Variants in SYNE2 observed in about 807,000 individuals in gnomAD.
The protein encoded by SYNE2 is spectrin repeat containing nuclear envelope protein 2, also known as nesprin-2.
In SYNE2, 431 loss-of-function variants were observed where a neutral mutation model predicts 856.3. That is an observed-to-expected ratio of 0.50 (90% confidence interval 0.47 to 0.55). The LOEUF (loss-of-function observed/expected upper bound fraction) is 0.55. Among genes scored for constraint, SYNE2 ranks in the 20% least tolerant of loss-of-function variants. The pLI is 0.00. For missense variants in SYNE2, 8,129 were observed against 8,023.2 expected, an observed-to-expected ratio of 1.01 and a Z score of -0.50; for synonymous variants, 2,923 against 2,872.3, an observed-to-expected ratio of 1.02 and a Z score of -0.56.
intron 99 of SYNE2, chr14:64,190,966 C>T (rs1255988): frequency 1.0e-5 from 7 of 701,998 alleles, no homozygotes; most frequent in South Asian, 1.5e-5. Flanking sequence ...TACAGCGAAC[C>T]GTCACTTGGC....
chr14:63,814,883 T>C (rs1566584362), intron 1 of SYNE2, among the ~76,000 whole-genome samples: 1 of 129,674 alleles, frequency 7.7e-6, no homozygotes, highest in Non-Finnish European at 1.6e-5. Flanking sequence ...TATATCCATA[T>C]ATATATCCAT....
At position 64,052,803 on chromosome 14, in the gene SYNE2, C is replaced by A. The variant is rs199665519; in HGVS notation, c.8890C>A (p.Arg2964Ser). ...TCAGGAGGAGGCTGACAGTATACAG[C>A]GCAATGAACTATTACTTAATCAAGA... is the stretch of plus-strand genomic sequence containing the variant. ...ALQEEADSIQ[R>S]NELLLNQEVN... Residue 2964 changes from arginine (R) to serine (S), a missense_variant, in exon 48 of 116, where the codon CGC becomes AGC. Around this residue, in one of 3 missense-constraint regions of SYNE2, gnomAD observed 5,410 missense variants for 5,284.8 expected, o/e 1.02. Coordinates refer to ENST00000555002, the MANE Select transcript of SYNE2 (RefSeq NM_182914.3). 1.9e-6 allele frequency: 3 copies of A among 1,612,458 alleles called. No homozygotes were observed. The highest frequency in any genetic ancestry group is 1.7e-5 in the Admixed American group (1 of 59,732).
At chr14:63,908,814 C>T (rs2095438871) in intron 1 of SYNE2, among the ~76,000 whole-genome samples, 1 of 152,166 alleles carries the variant, frequency 6.6e-6, no homozygotes, top group South Asian at 2.1e-4. Flanking sequence ...CATCGAATTG[C>T]CTGGCCTTCC....
At position 63,942,076 on chromosome 14, in the gene SYNE2, C is replaced by G. The variant is rs774429684; in HGVS notation, c.341C>G (p.Thr114Ser). Residue 114 changes from threonine (T) to serine (S), a missense_variant, in exon 6 of 116, where the codon ACT becomes AGT. This residue lies in a region of SYNE2 where 2,422 missense variants were observed against 2,357.4 expected (regional missense o/e 1.03). Transcript: ENST00000555002. ...RSIKLINIHVTDIIDGNPSII... is the reference protein window; with the variant it reads ...RSIKLINIHVSDIIDGNPSII... Reference sequence around the variant, plus strand: ...ATTAAGCTAATAAATATTCATGTTACTGATATCATTGATGGAAACCCATCC... The same window carrying G: ...ATTAAGCTAATAAATATTCATGTTAGTGATATCATTGATGGAAACCCATCC... 2.5e-6 allele frequency: 4 copies of G among 1,611,224 alleles called. No homozygotes were observed. In the East Asian group the frequency reaches 8.9e-5, roughly 36 times the overall value.
chr14:63,804,982 A>G (rs1451645578), intron 1 of SYNE2, among the ~76,000 whole-genome samples: 1 of 152,228 alleles, frequency 6.6e-6, no homozygotes, highest in African/African-American at 2.4e-5. Flanking sequence ...TCCCTGCACC[A>G]TTTATTGAAT....
intron 2 of SYNE2, among the ~76,000 whole-genome samples, chr14:63,929,632 G>A (rs1196532746): frequency 2.6e-5 from 4 of 151,984 alleles, no homozygotes; most frequent in East Asian, 1.9e-4. Flanking sequence ...TTAGCTGGGC[G>A]TGGGGGTGGG....
Position 64,132,497 on chromosome 14 carries a change from C to A in SYNE2, c.14514+59C>A, listed in dbSNP as rs774874620. On this transcript the variant is annotated intron_variant, in intron 77 of 115. Coordinates refer to ENST00000555002, the MANE Select transcript of SYNE2 (RefSeq NM_182914.3). ...GGGAATTGCTGATTTTCCATCACCACCCCAGGTGTTGAGAAGAAGTATCTA... is the reference window on the plus strand; with the variant it reads ...GGGAATTGCTGATTTTCCATCACCAACCCAGGTGTTGAGAAGAAGTATCTA... 7.2e-5 allele frequency: 115 copies of A among 1,593,946 alleles called. No homozygotes were observed. In the Middle Eastern group the frequency reaches 1.2e-3, roughly 16 times the overall value.
intron 64 of SYNE2, among the ~76,000 whole-genome samples, chr14:64,104,511 G>C (rs1374938881): frequency 6.8e-6 from 1 of 147,046 alleles, no homozygotes; most frequent in African/African-American, 2.5e-5. Context: ...GTGCAGTGGT[G>C]CGATCTCAGC....
At chr14:63,792,675 TTG>T (rs869258329) in intron 1 of SYNE2, among the ~76,000 whole-genome samples, 32 of 60,954 alleles carry the variant, frequency 5.2e-4, no homozygotes, top group Middle Eastern at 8.8e-3. Flanking sequence ...GTTTGTTTGT[TTG>T]TTTTTTAGAG....
chr14:64,084,997 C>T, intron 57 of SYNE2: 1 of 702,348 alleles, frequency 1.4e-6, no homozygotes, highest in Non-Finnish European at 2.6e-6. Flanking sequence ...GTCTGCCTCA[C>T]ACCATGGCAG....
intron 1 of SYNE2, among the ~76,000 whole-genome samples, chr14:63,854,379 A>G (rs2140021429): frequency 6.6e-6 from 1 of 152,030 alleles, no homozygotes; most frequent in African/African-American, 2.4e-5. Flanking sequence ...TTCAGAGGAG[A>G]GTGTTCAGCT....
In SYNE2 at chr14:64,141,479, A is replaced by G. The variant is rs773351367; in HGVS notation, c.15115A>G (p.Met5039Val). 13 of 1,614,000 alleles carry G rather than the reference A, an allele frequency of 8.1e-6. No individual in the cohort carries two copies. The African/African-American group carries it at 9.3e-5, about 12-fold the overall frequency. The change falls in exon 81 of 116, where the codon ATG becomes GTG. Residue 5039 changes from methionine (M) to valine (V), a missense_variant. Physicochemically the swap from Met to Val is conservative, Grantham distance 21. Coordinates refer to ENST00000555002, the MANE Select transcript of SYNE2 (RefSeq NM_182914.3). ...AGCACAGTTTGAACAAAAATGGACA[A>G]TGCTCATAACTCAACTTCCAGATAT... Reference protein sequence around the residue: ...SLAQFEQKWTMLITQLPDIQE... With the variant: ...SLAQFEQKWTVLITQLPDIQE...
Position 64,089,658 on chromosome 14 carries a change from T to C in SYNE2, c.11755T>C (p.Phe3919Leu), listed in dbSNP as rs1473977383. Residue 3919 changes from phenylalanine (F) to leucine (L), a missense_variant, in exon 59 of 116, where the codon TTT (phenylalanine) becomes CTT (leucine). Physicochemically the swap from Phe to Leu is conservative, Grantham distance 22 (BLOSUM62 0). Transcript: ENST00000555002. ...IKTILLSKEIFDFSPEEHLKH... is the reference protein window; with the variant it reads ...IKTILLSKEILDFSPEEHLKH... ...AACTATCCTATTATCAAAAGAAATA[T>C]TTGATTTTTCACCTGAAGAACATCT... 2 of 1,601,274 alleles carry C rather than the reference T, an allele frequency of 1.2e-6. No individual in the cohort carries two copies. The highest frequency in any genetic ancestry group is 1.3e-5 in the African/African-American group (1 of 74,634).
chr14:64,153,665 A>G (rs979294411), intron 85 of SYNE2, among the ~76,000 whole-genome samples: 3 of 152,252 alleles, frequency 2.0e-5, no homozygotes, highest in African/African-American at 7.2e-5. Context: ...TGCCAGGGTT[A>G]CAAAGGTAAA....
chr14:63,949,863 T>G lies in SYNE2; in HGVS notation c.447T>G (p.Asn149Lys), dbSNP rs2096122862. The change falls in exon 7 of 116, where the codon AAT becomes AAG. Residue 149 changes from asparagine (N) to lysine (K), a missense_variant. Around this residue, in one of 3 missense-constraint regions of SYNE2, gnomAD observed 2,422 missense variants for 2,357.4 expected, o/e 1.03. Transcript: ENST00000555002. ...KLAQTLSCNY[N>K]QPSLDDVSVV... ...CCCAGACTCTTTCTTGCAATTACAA[T>G]CAGCCTTCCCTGGATGATGTGAGTG... 6.2e-7 allele frequency: 1 copy of G among 1,614,068 alleles called. No homozygotes were observed. The highest frequency in any genetic ancestry group is 8.5e-7 in the Non-Finnish European group (1 of 1,180,028).
At chr14:64,084,717 T>C in intron 57 of SYNE2, 1 of 459,240 alleles carries the variant, frequency 2.2e-6, no homozygotes, top group South Asian at 4.7e-5. Flanking sequence ...TTGTGTAACA[T>C]ATTACTCCAT....
intron 65 of SYNE2, 196 bp from the exon 66 acceptor site, chr14:64,113,145 C>T (rs2097825438): frequency 7.1e-6 from 7 of 985,232 alleles, no homozygotes; most frequent in South Asian, 9.4e-5. Context: ...ACTCGCAGAT[C>T]GGCTGCTTGG....
At position 64,042,208 on chromosome 14, in the gene SYNE2, A is replaced by G. The variant is rs1375624426; in HGVS notation, c.7222-5792A>G. Among the ~76,000 whole-genome samples, 3 of 152,346 alleles carry G rather than the reference A, an allele frequency of 2.0e-5. No individual in the cohort carries two copies. In the East Asian group the frequency reaches 5.8e-4, roughly 29 times the overall value. ...ACCTCCAAACCTACTGCTGAGTGGA[A>G]AAAAACAAGTTATGACATGATACAT... On this transcript the variant is annotated intron_variant, in intron 45 of 115. Coordinates refer to ENST00000555002, the MANE Select transcript of SYNE2 (RefSeq NM_182914.3).
At chr14:64,136,407 T>TCG (rs2098089633) in intron 78 of SYNE2, among the ~76,000 whole-genome samples, 1 of 146,808 alleles carries the variant, frequency 6.8e-6, no homozygotes, top group African/African-American at 2.5e-5. Flanking sequence ...TTTCTTTTAA[T>TCG]ACAGATGCTC....
Sources: allele counts gnomAD v4.1 joint callset (sites outside exome capture counted in the v4.1 genomes callset), GRCh38; gene constraint gnomAD v4.1.1; regional missense constraint gnomAD v4.1.1; transcripts MANE v1.5; gene names NCBI Gene and HGNC (gene_info 2026-07-23, HGNC 2026-07-21).